MOK: variants seen among roughly 807,000 people sequenced by gnomAD.
MOK encodes MAPK/MAK/MRK overlapping kinase.
In MOK, 59 loss-of-function variants were observed where a neutral mutation model predicts 54.2. The observed-to-expected ratio is 1.09, with a 90% CI of 0.88 to 1.35. The LOEUF (loss-of-function observed/expected upper bound fraction) is 1.35, where lower values mean the gene tolerates loss of function less well. Among genes scored for constraint, MOK ranks in the 40% most tolerant of loss-of-function variants. The pLI, the probability that MOK is intolerant of heterozygous loss-of-function variation, is 0.00. For missense variants in MOK, 517 were observed against 526.2 expected, an observed-to-expected ratio of 0.98 and a Z score of 0.17; for synonymous variants, 210 against 202.7, an observed-to-expected ratio of 1.04 and a Z score of -0.31.
At chr14:102,215,978 C>A in the MOK span, among the ~76,000 whole-genome samples, 9 of 152,292 alleles carry the variant, frequency 5.9e-5, no homozygotes, top group East Asian at 1.5e-3. Context: ...CTTCCTCAGG[C>A]CCTTGTGCTC....
At chr14:102,219,000 A>G in the MOK span, among the ~76,000 whole-genome samples, 1 of 151,938 alleles carries the variant, frequency 6.6e-6, no homozygotes, top group African/African-American at 2.4e-5. Flanking sequence ...GTAAAACCCC[A>G]CTCCCTCCCT....
At position 102,229,307 on chromosome 14, in the gene MOK, C is replaced by T; in HGVS notation, c.1242G>A (p.Val414=). The change falls in exon 12 of 12, where the codon GTG becomes GTA. Residue 414 remains valine, a synonymous_variant. Coordinates refer to ENST00000361847, the MANE Select transcript of MOK (RefSeq NM_014226.3). ...APQQCRLPTI[V]RKGGR Reference sequence around the variant, plus strand: ...TGCTCAGTTATCTTCCGCCTTTCCGCACTATGGTGGGCAGGCGACACTGCT... The same window carrying T: ...TGCTCAGTTATCTTCCGCCTTTCCGTACTATGGTGGGCAGGCGACACTGCT... The T allele has an allele frequency of 6.2e-7, 1 of 1,609,682 alleles. No homozygotes were observed.
At position 102,232,234 on chromosome 14, in the gene MOK, G is replaced by T; in HGVS notation, c.866+301C>A. The T allele has an allele frequency of 2.7e-6, 1 of 374,992 alleles. No individual in the cohort carries two copies. The highest frequency in any genetic ancestry group is 4.8e-6 in the Non-Finnish European group (1 of 210,100). 23.2% of individuals were successfully genotyped at this position (374,992 alleles called of 1,614,324 possible). ...TGCATCCTGTTCACACCATTTACAA[G>T]GGCCGCACACCAGGCTCTTCTAGAA... On this transcript the variant is annotated intron_variant, in intron 9 of 11. Transcript: ENST00000361847. This position sits in a 1 kb window ranked among gnomAD's most constrained non-coding sequence, Gnocchi z 5.1.
At chr14:102,217,253 G>A in the MOK span, among the ~76,000 whole-genome samples, 767 of 152,294 alleles carry the variant, frequency 5.0e-3, 6 homozygotes, top group African/African-American at 0.017. Flanking sequence ...AGCCCGGGCC[G>A]GTGCTGGTCT....
At chr14:102,288,550 TA>T (rs747224881) in intron 1 of MOK, among the ~76,000 whole-genome samples, 1 of 152,264 alleles carries the variant, frequency 6.6e-6, no homozygotes, top group East Asian at 1.9e-4. Flanking sequence ...GATAAAGGAG[TA>T]ACCACTCCTT....
intron 1 of MOK, among the ~76,000 whole-genome samples, chr14:102,297,986 C>T (rs998049215): frequency 8.5e-5 from 13 of 152,226 alleles, no homozygotes; most frequent in Non-Finnish European, 1.5e-4. Flanking sequence ...GCTGTGGGCT[C>T]CTGCGCAGCC....
chr14:102,248,670 C>T lies in MOK; in HGVS notation c.590+2142G>A, dbSNP rs375783313. Among the ~76,000 whole-genome samples, 23 of 148,850 alleles carry T rather than the reference C, an allele frequency of 1.5e-4. No homozygotes were observed. The East Asian group carries it at 2.5e-3, about 16-fold the overall frequency. ...GCGGGTGCCTGTAGTCCCAGCTACT[C>T]GGGAGTCTGAGGCAGGAGAATGGTG... On this transcript the variant is annotated intron_variant, in intron 7 of 11. Coordinates refer to ENST00000361847, the MANE Select transcript of MOK (RefSeq NM_014226.3).
At chr14:102,246,066 T>G (rs1404361066) in intron 7 of MOK, 1 of 152,330 alleles carries the variant, frequency 6.6e-6, no homozygotes, top group East Asian at 1.9e-4. Flanking sequence ...CCCTATTGTT[T>G]GCAGTGGGAT....
At chr14:102,262,400 G>A (rs1274656349) in intron 4 of MOK, among the ~76,000 whole-genome samples, 2 of 152,154 alleles carry the variant, frequency 1.3e-5, no homozygotes, top group Non-Finnish European at 2.9e-5. Context: ...TGATCCACCC[G>A]CACTGGCGTC....
chr14:102,278,818 CTATTAT>C (rs2069129333), intron 2 of MOK: 1 of 404,384 alleles, frequency 2.5e-6, no homozygotes, highest in East Asian at 7.6e-5. Context: ...GGTAATCTTA[CTATTAT>C]TATCTCACGT....
chr14:102,264,874 T>G (rs1242354999), intron 3 of MOK, among the ~76,000 whole-genome samples: 1 of 152,134 alleles, frequency 6.6e-6, no homozygotes, highest in Non-Finnish European at 1.5e-5. Flanking sequence ...AGGTGCACCC[T>G]CTCAGAGTGT....
chr14:102,298,540 T>C (rs1297155987), intron 1 of MOK, among the ~76,000 whole-genome samples: 1 of 152,080 alleles, frequency 6.6e-6, no homozygotes, highest in African/African-American at 2.4e-5. Context: ...TGGAGAACTT[T>C]TGTGTCTAGC....
intron 1 of MOK, among the ~76,000 whole-genome samples, chr14:102,302,625 T>C (rs1333903309): frequency 1.3e-5 from 2 of 151,320 alleles, no homozygotes; most frequent in East Asian, 2.0e-4. Context: ...CCGTGTTAGC[T>C]GGGATGGTAT....
At chr14:102,243,818 G>A (rs1487098886) in intron 7 of MOK, among the ~76,000 whole-genome samples, 3 of 152,272 alleles carry the variant, frequency 2.0e-5, no homozygotes, top group Non-Finnish European at 2.9e-5. Flanking sequence ...GTTTATCCAT[G>A]GCAGTTCCAC....
chr14:102,278,632 T>C, intron 2 of MOK: 2 of 454,352 alleles, frequency 4.4e-6, no homozygotes, highest in Non-Finnish European at 8.8e-6. Flanking sequence ...CTCCACGACG[T>C]GTAGGTTGGG....
At chr14:102,260,218 C>G (rs1567185028) in intron 4 of MOK, among the ~76,000 whole-genome samples, 1 of 150,136 alleles carries the variant, frequency 6.7e-6, no homozygotes, top group South Asian at 2.1e-4. Flanking sequence ...TGGTGGCGTG[C>G]TCCTGTAGTC....
intron 2 of MOK, among the ~76,000 whole-genome samples, chr14:102,272,099 G>A (rs183905873): frequency 1.3e-5 from 2 of 152,136 alleles, no homozygotes; most frequent in Admixed American, 1.3e-4. Flanking sequence ...TCAAACTCCT[G>A]GGCTTAAGCC....
intron 7 of MOK, among the ~76,000 whole-genome samples, chr14:102,248,086 C>T (rs1035947968): frequency 6.6e-6 from 1 of 152,240 alleles, no homozygotes; most frequent in Non-Finnish European, 1.5e-5. Flanking sequence ...ATAACCATCA[C>T]CCCTTCCCAG....
chr14:102,231,467 A>G lies in MOK; in HGVS notation c.981+240T>C. 4.2e-6 allele frequency: 2 copies of G among 474,784 alleles called. No homozygotes were observed. The highest frequency in any genetic ancestry group is 7.6e-6 in the Non-Finnish European group (2 of 264,082). The allele number at this position is 474,784 out of a possible 1,614,324, so 29.4% of individuals were successfully genotyped here. On this transcript the variant is annotated intron_variant, in intron 10 of 11. Coordinates refer to ENST00000361847, the MANE Select transcript of MOK (RefSeq NM_014226.3). The surrounding 1 kb of genome is among the most constrained non-coding windows in gnomAD (Gnocchi z 4.4). ...ACATCCCCTCTCTGGGCCTGCTCAC[A>G]TGGGATATTCGTCATCAATTCTTAG...
Sources: gnomAD v4.1 joint callset for allele counts (sites outside exome capture counted in the v4.1 genomes callset) on GRCh38, gnomAD v4.1.1 for gene constraint, Gnocchi (gnomAD v3.1) non-coding constraint, MANE v1.5 for transcripts, NCBI Gene and HGNC (gene_info 2026-07-23, HGNC 2026-07-21) for gene names.